The following TECRL variants were observed in gnomAD, a reference collection of about 807,000 sequenced individuals.
TECRL encodes trans-2,3-enoyl-CoA reductase-like.
Under a neutral mutation model 52.8 loss-of-function variants are expected in TECRL, and 63 were observed. The ratio of observed to expected loss-of-function variants is 1.19; its 90% confidence interval spans 0.97 to 1.47. The LOEUF is 1.47. TECRL is among the 40% of genes most tolerant of loss of function. The pLI is 0.00. For missense variants in TECRL, 482 were observed against 429.6 expected (o/e 1.12, Z -1.08); for synonymous variants, 164 against 141.9 (o/e 1.16, Z -1.10).
At chr4:64,383,573 T>C (rs1325370693) in intron 1 of TECRL, among the ~76,000 whole-genome samples, 1 of 152,046 alleles carries the variant, frequency 6.6e-6, no homozygotes, top group African/African-American at 2.4e-5. Context: ...ATTTAATTAA[T>C]TGAGTTCTTC....
intron 8 of TECRL, among the ~76,000 whole-genome samples, chr4:64,295,005 T>C (rs1723599284): frequency 6.6e-6 from 1 of 151,846 alleles, no homozygotes; most frequent in African/African-American, 2.4e-5. Flanking sequence ...AAACATTTTA[T>C]CTTATTATAA....
intron 2 of TECRL, among the ~76,000 whole-genome samples, chr4:64,333,458 A>G (rs1214123571): frequency 2.0e-5 from 3 of 152,216 alleles, no homozygotes; most frequent in Non-Finnish European, 4.4e-5. Flanking sequence ...TAAATAAAAC[A>G]ATATTGAGCA....
intron 8 of TECRL, among the ~76,000 whole-genome samples, chr4:64,291,168 A>G (rs1723362436): frequency 6.6e-6 from 1 of 152,102 alleles, no homozygotes. Context: ...TGCAAATATT[A>G]ACTTCTGTCT....
chr4:64,365,620 T>C (rs913977696), intron 2 of TECRL, among the ~76,000 whole-genome samples: 1 of 151,898 alleles, frequency 6.6e-6, no homozygotes, highest in Non-Finnish European at 1.5e-5. Flanking sequence ...AAAAATACAA[T>C]CTCATTCACA....
chr4:64,316,756 A>C (rs1717523051), intron 4 of TECRL, among the ~76,000 whole-genome samples: 1 of 152,204 alleles, frequency 6.6e-6, no homozygotes, highest in Admixed American at 6.5e-5. Context: ...CTATATTCTA[A>C]AGAGGCAGAT....
chr4:64,301,657 T>C (rs1222523147), intron 7 of TECRL, among the ~76,000 whole-genome samples: 1 of 151,246 alleles, frequency 6.6e-6, no homozygotes, highest in Non-Finnish European at 1.5e-5. Flanking sequence ...GGATATCTTG[T>C]AATCTGGGAG....
At chr4:64,300,834 A>C (rs1307445320) in intron 7 of TECRL, among the ~76,000 whole-genome samples, 1 of 151,014 alleles carries the variant, frequency 6.6e-6, no homozygotes, top group Non-Finnish European at 1.5e-5. Context: ...CATTGTCATA[A>C]CGGTAATTGA....
chr4:64,305,581 C>A (rs957046483), intron 6 of TECRL, among the ~76,000 whole-genome samples: 8 of 152,192 alleles, frequency 5.3e-5, no homozygotes, highest in Admixed American at 3.9e-4. Flanking sequence ...TCTTGTTATA[C>A]CAAGATGTTT....
chr4:64,277,190 A>T, downstream of TECRL: 2 of 497,760 alleles, frequency 4.0e-6, no homozygotes, highest in Non-Finnish European at 7.0e-6. Flanking sequence ...AAGGGAGTGT[A>T]GTATAATGGG....
At chr4:64,308,097 TTAACACTCCA>T (rs1244145715) in intron 6 of TECRL, among the ~76,000 whole-genome samples, 1 of 152,080 alleles carries the variant, frequency 6.6e-6, no homozygotes, top group Non-Finnish European at 1.5e-5. Flanking sequence ...GCAGTTAGGG[TTAACACTCCA>T]GAGTGGGGAA....
chr4:64,327,256 T>C (rs970015670), intron 3 of TECRL, among the ~76,000 whole-genome samples: 1 of 152,028 alleles, frequency 6.6e-6, no homozygotes, highest in African/African-American at 2.4e-5. Context: ...CAACTATATT[T>C]TACTCATCTC....
downstream of TECRL, chr4:64,277,016 G>A (rs1024190422): frequency 6.7e-7 from 1 of 1,497,650 alleles, no homozygotes. Flanking sequence ...AAATTTGTCA[G>A]GCTTTTTCTT....
chr4:64,394,792 A>T (rs950891249), intron 1 of TECRL, among the ~76,000 whole-genome samples: 3 of 152,124 alleles, frequency 2.0e-5, no homozygotes, highest in Admixed American at 1.3e-4. Flanking sequence ...TAAACATTTG[A>T]TCATCAAAAA....
chr4:64,315,200 C>G (rs1437554242), intron 4 of TECRL, among the ~76,000 whole-genome samples: 2 of 151,952 alleles, frequency 1.3e-5, no homozygotes, highest in Non-Finnish European at 2.9e-5. Context: ...ATGGGCCTGT[C>G]AGCTTGAATC....
At chr4:64,323,674 G>A (rs1041856902) in intron 3 of TECRL, among the ~76,000 whole-genome samples, 1 of 152,296 alleles carries the variant, frequency 6.6e-6, no homozygotes, top group African/African-American at 2.4e-5. Flanking sequence ...TGGTACTGGT[G>A]AGAATGTTAA....
intron 1 of TECRL, among the ~76,000 whole-genome samples, chr4:64,394,665 CT>C (rs1275575327): frequency 6.6e-6 from 1 of 152,116 alleles, no homozygotes; most frequent in African/African-American, 2.4e-5. Context: ...TGTTTCCATA[CT>C]TGTCCTTAAC....
intron 1 of TECRL, among the ~76,000 whole-genome samples, chr4:64,375,916 C>T (rs1409573523): frequency 6.6e-6 from 1 of 151,576 alleles, no homozygotes. Context: ...CATCGCAATA[C>T]TTTTTTTTCT....
chr4:64,296,722 T>C (rs1723707079), intron 8 of TECRL, among the ~76,000 whole-genome samples: 1 of 151,708 alleles, frequency 6.6e-6, no homozygotes, highest in Non-Finnish European at 1.5e-5. Context: ...TGTTTCACAA[T>C]TGTGATTTTG....
chr4:64,328,536 G>A lies in TECRL; in HGVS notation c.307C>T (p.Arg103Ter), dbSNP rs1355389485. 2.5e-6 allele frequency: 4 copies of A among 1,611,576 alleles called. No homozygotes were observed. The highest frequency in any genetic ancestry group is 2.2e-5 in the East Asian group (1 of 44,754). ...HKACPKWYPSRVGLQLECGGP... is the reference protein window; with the variant it reads ...HKACPKWYPS ...CCACATTCTAGCTGCAGACCAACTC[G>A]AGAAGGGTACCACTTTGGACCTATT... The change falls in exon 3 of 12, where the codon CGA becomes TGA. Residue 103 changes from arginine to a stop codon, truncating the protein, a stop_gained. Transcript: ENST00000381210. LOFTEE classifies it high-confidence loss of function.
Sources: gnomAD v4.1 joint callset for allele counts (sites outside exome capture counted in the v4.1 genomes callset) on GRCh38, gnomAD v4.1.1 for gene constraint, MANE v1.5 for transcripts, NCBI Gene and HGNC (gene_info 2026-07-23, HGNC 2026-07-21) for gene names.